Variants in MIPOL1 observed in about 807,000 individuals in gnomAD.
MIPOL1 encodes mirror-image polydactyly gene 1 protein.
A neutral mutation model predicts 60.9 loss-of-function variants in MIPOL1; 57 were observed. The ratio of observed to expected loss-of-function variants is 0.94; its 90% CI spans 0.76 to 1.17. The LOEUF (loss-of-function observed/expected upper bound fraction) is 1.17, where lower values mean the gene tolerates loss of function less well. Ranked by LOEUF, MIPOL1 falls within the 50% of genes most tolerant of loss-of-function variation. The probability of loss-of-function intolerance (pLI) is 0.00; values close to 1 mark genes in which losing one functional copy is unlikely to be tolerated. For synonymous variants in MIPOL1, 179 were observed against 168.8 expected (o/e 1.06, Z -0.47); for missense variants, 551 against 511.6 (o/e 1.08, Z -0.74).
chr14:37,450,637 G>C (rs1426699635), intron 11 of MIPOL1, among the ~76,000 whole-genome samples: 1 of 151,672 alleles, frequency 6.6e-6, no homozygotes, highest in Non-Finnish European at 1.5e-5. Flanking sequence ...GAAGATCTTT[G>C]GCTTTCATCT....
chr14:37,416,835 C>G (rs1284285245), intron 10 of MIPOL1, among the ~76,000 whole-genome samples: 1 of 149,418 alleles, frequency 6.7e-6, no homozygotes, highest in Non-Finnish European at 1.5e-5. Flanking sequence ...CAGCTAGATC[C>G]ACACTAGATT....
chr14:37,315,050 G>A (rs916835854), intron 9 of MIPOL1, among the ~76,000 whole-genome samples: 3 of 152,136 alleles, frequency 2.0e-5, no homozygotes, highest in African/African-American at 7.2e-5. Flanking sequence ...TCAGGTAGTG[G>A]TGTGATGAAA....
intron 11 of MIPOL1, among the ~76,000 whole-genome samples, chr14:37,427,196 T>C (rs374265009): frequency 2.0e-4 from 31 of 152,296 alleles, no homozygotes; most frequent in African/African-American, 7.2e-4. Flanking sequence ...CAAAATGTGG[T>C]ATATACAGAG....
intron 11 of MIPOL1, among the ~76,000 whole-genome samples, chr14:37,459,248 A>G (rs1434524153): frequency 6.6e-6 from 1 of 152,174 alleles, no homozygotes; most frequent in African/African-American, 2.4e-5. Flanking sequence ...TTTGAAAAGA[A>G]AAACAAAATT....
intron 7 of MIPOL1, among the ~76,000 whole-genome samples, chr14:37,291,506 T>C (rs1338213250): frequency 1.3e-5 from 2 of 152,178 alleles, no homozygotes; most frequent in Admixed American, 1.3e-4. Flanking sequence ...CTTTTCACTT[T>C]ATTGTGTTAG....
intron 1 of MIPOL1, among the ~76,000 whole-genome samples, chr14:37,203,031 A>G (rs2139128640): frequency 6.6e-6 from 1 of 152,288 alleles, no homozygotes; most frequent in Non-Finnish European, 1.5e-5. Context: ...TTGCAACTTC[A>G]CGTACCATCT....
intron 11 of MIPOL1, among the ~76,000 whole-genome samples, chr14:37,498,194 G>T (rs1469960909): frequency 6.6e-6 from 1 of 152,018 alleles, no homozygotes; most frequent in Non-Finnish European, 1.5e-5. Context: ...TTTTGGGGAG[G>T]GGAAAAAATG....
chr14:37,207,432 T>C (rs1966264692), intron 1 of MIPOL1, among the ~76,000 whole-genome samples: 1 of 152,208 alleles, frequency 6.6e-6, no homozygotes, highest in African/African-American at 2.4e-5. Context: ...ATCAGCAGTG[T>C]GAAAACAGAC....
At chr14:37,419,363 C>T (rs1352211118) in intron 10 of MIPOL1, among the ~76,000 whole-genome samples, 2 of 152,128 alleles carry the variant, frequency 1.3e-5, no homozygotes, top group African/African-American at 4.8e-5. Flanking sequence ...GGCATTGACT[C>T]CAATGTTGCA....
intron 1 of MIPOL1, among the ~76,000 whole-genome samples, chr14:37,203,333 C>T (rs796438226): frequency 1.3e-5 from 2 of 152,266 alleles, no homozygotes; most frequent in East Asian, 3.9e-4. Context: ...GATGAAGTAT[C>T]TCTAATCTCT....
At chr14:37,501,293 A>G (rs928030359) in intron 12 of MIPOL1, among the ~76,000 whole-genome samples, 10 of 152,242 alleles carry the variant, frequency 6.6e-5, no homozygotes, top group Admixed American at 1.3e-4. Context: ...TATGATGTAT[A>G]GGTAGATCTC....
chr14:37,265,143 A>T (rs1422874176), intron 3 of MIPOL1: 1 of 152,032 alleles, frequency 6.6e-6, no homozygotes, highest in Non-Finnish European at 1.5e-5. Context: ...ATCTATTCCT[A>T]TTCTTCCTAT....
intron 1 of MIPOL1, among the ~76,000 whole-genome samples, chr14:37,220,533 T>C (rs1350184633): frequency 1.3e-5 from 2 of 152,304 alleles, no homozygotes; most frequent in East Asian, 3.9e-4. Context: ...TATCCCAAAG[T>C]AGAACATTTT....
chr14:37,373,114 C>T (rs113532775), intron 10 of MIPOL1, among the ~76,000 whole-genome samples: 3,393 of 152,162 alleles, frequency 0.022, 135 homozygotes, highest in African/African-American at 0.077. Flanking sequence ...AGTCATTCTC[C>T]GGCCTCAGCC....
At chr14:37,356,038 T>G (rs2091789675) in intron 9 of MIPOL1, among the ~76,000 whole-genome samples, 1 of 145,504 alleles carries the variant, frequency 6.9e-6, no homozygotes, top group African/African-American at 2.5e-5. Flanking sequence ...CTTTGTGGTT[T>G]TATCTACTTT....
rs1354755559 is a variant in MIPOL1, at chr14:37,222,463, A to G, written c.-199+24359A>G. Among the ~76,000 whole-genome samples, 5 of 151,540 alleles carry G rather than the reference A, an allele frequency of 3.3e-5. No homozygotes were observed. In the East Asian group the frequency reaches 9.7e-4, roughly 29 times the overall value. On this transcript the variant is annotated intron_variant, in intron 1 of 12. Coordinates refer to ENST00000684589, the MANE Select transcript of MIPOL1 (RefSeq NM_001388067.1). ...CCAGATTGGTTGAAAGTAACCATGC[A>G]GCTCCTTCAGTATTTTGCTTAGAAA...
At chr14:37,311,867 T>C (rs1432639999) in intron 9 of MIPOL1, among the ~76,000 whole-genome samples, 2 of 152,160 alleles carry the variant, frequency 1.3e-5, no homozygotes. Flanking sequence ...TTATGTTCCA[T>C]GATCCAATCC....
In MIPOL1 at chr14:37,446,485, A is replaced by T. The variant is rs552582067; in HGVS notation, c.1031+23536A>T. 5.3e-5 allele frequency among the ~76,000 whole-genome samples: 8 copies of T among 152,288 alleles called. No individual in the cohort carries two copies. In the East Asian group the frequency reaches 1.5e-3, roughly 29 times the overall value. ...TTTTACACTGTTGATGGGACTGTAA[A>T]CTAGTTCAACCATTGTGGAAGTCAG... is the stretch of plus-strand genomic sequence containing the variant. On this transcript the variant is annotated intron_variant, in intron 11 of 12. Transcript: ENST00000684589.
At chr14:37,488,393 T>C (rs2094987818) in intron 11 of MIPOL1, among the ~76,000 whole-genome samples, 1 of 152,140 alleles carries the variant, frequency 6.6e-6, no homozygotes, top group African/African-American at 2.4e-5. Context: ...TTTTCTGTCG[T>C]TGATCTGTCT....
Sources: allele counts gnomAD v4.1 joint callset (sites outside exome capture counted in the v4.1 genomes callset), GRCh38; gene constraint gnomAD v4.1.1; transcripts MANE v1.5; gene names NCBI Gene and HGNC (gene_info 2026-07-23, HGNC 2026-07-21).